The following EPHA6 variants were observed in gnomAD, a reference collection of about 807,000 sequenced individuals.
EPHA6 encodes the protein ephrin type-A receptor 6.
Under a neutral mutation model 112.0 loss-of-function variants are expected in EPHA6, and 50 were observed. That is an observed-to-expected ratio of 0.45 (90% CI 0.36 to 0.56). EPHA6 has a LOEUF of 0.56. Ranked by LOEUF, EPHA6 falls within the 20% of genes least tolerant of loss-of-function variation. The pLI is 0.00. For missense variants in EPHA6, 1,280 were observed against 1,417.4 expected, an observed-to-expected ratio of 0.90 and a Z score of 1.56; for synonymous variants, 529 against 490.7, an observed-to-expected ratio of 1.08 and a Z score of -1.03.
At position 97,490,216 on chromosome 3, in the gene EPHA6, G is replaced by C. The variant is rs181477309; in HGVS notation, c.2200+6157G>C. ...GGTTGCCAACAAAAATCTTAATGAA[G>C]TATGACAATATAAAATTAATTGCAT... On this transcript the variant is annotated intron_variant, in intron 10 of 17. Coordinates refer to ENST00000389672, the MANE Select transcript of EPHA6 (RefSeq NM_001080448.3). Among the ~76,000 whole-genome samples, 139 of 152,062 alleles carry C rather than the reference G, an allele frequency of 9.1e-4. No individual in the cohort carries two copies. The South Asian group carries it at 0.014, about 15-fold the overall frequency.
At position 97,736,107 on chromosome 3, in the gene EPHA6, G is replaced by T; in HGVS notation, c.3117G>T (p.Glu1039Asp). 1 of 1,611,032 alleles carries T rather than the reference G, an allele frequency of 6.2e-7. No homozygotes were observed. Among genetic ancestry groups the T allele is most frequent in the Non-Finnish European group, 8.5e-7 (1 of 1,178,218 alleles). The change falls in exon 16 of 18, where the codon GAG becomes GAT. Residue 1039 changes from glutamate (E) to aspartate (D), a missense_variant. Coordinates refer to ENST00000389672, the MANE Select transcript of EPHA6 (RefSeq NM_001080448.3). ...RNPSALHTLV[E>D]DILVMPESPG... ...CCAGTGCCCTTCACACCCTGGTGGA[G>T]GACATCCTTGTGTAAGAGGCATAAT...
intron 7 of EPHA6, among the ~76,000 whole-genome samples, chr3:97,470,131 A>C (rs58546203): frequency 0.19 from 28,719 of 151,594 alleles, 4,100 homozygotes; most frequent in African/African-American, 0.38. Context: ...TGAAAATGTG[A>C]AGATTAATTA....
At chr3:97,508,024 G>T (rs9834604) in intron 10 of EPHA6, among the ~76,000 whole-genome samples, 16,944 of 151,798 alleles carry the variant, frequency 0.11, 2,993 homozygotes, top group African/African-American at 0.37. Flanking sequence ...ATCATTTTTT[G>T]GGTGTGTCTA....
chr3:97,634,096 T>C (rs1349133334), intron 13 of EPHA6, among the ~76,000 whole-genome samples: 1 of 152,110 alleles, frequency 6.6e-6, no homozygotes, highest in Non-Finnish European at 1.5e-5. Flanking sequence ...TAGATAAGAA[T>C]ACAGGCTCTG....
intron 1 of EPHA6, among the ~76,000 whole-genome samples, chr3:96,859,218 A>C (rs936067974): frequency 6.6e-6 from 1 of 152,032 alleles, no homozygotes; most frequent in African/African-American, 2.4e-5. Context: ...TGCTGTCTTG[A>C]TTTGGCTGTA....
At chr3:96,841,163 A>G (rs149804794) in intron 1 of EPHA6, among the ~76,000 whole-genome samples, 1 of 152,210 alleles carries the variant, frequency 6.6e-6, no homozygotes, top group Non-Finnish European at 1.5e-5. Context: ...CTCGAGGTGA[A>G]GGCTGGTCAA....
chr3:97,462,697 T>C (rs1300290740), intron 7 of EPHA6, among the ~76,000 whole-genome samples: 1 of 152,166 alleles, frequency 6.6e-6, no homozygotes, highest in Admixed American at 6.6e-5. Flanking sequence ...TGAAGAAGGA[T>C]TTTACTTTTC....
chr3:97,646,421 A>C, intron 14 of EPHA6: 1 of 784,906 alleles, frequency 1.3e-6, no homozygotes, highest in Non-Finnish European at 1.8e-6. Flanking sequence ...TTACACCTAA[A>C]TATAAGTAGA....
chr3:97,288,897 A>C (rs1252820608), intron 5 of EPHA6, among the ~76,000 whole-genome samples: 1 of 133,290 alleles, frequency 7.5e-6, no homozygotes, highest in Non-Finnish European at 1.6e-5. Flanking sequence ...GTGTCTGTCC[A>C]TATCTTTTGC....
chr3:97,025,679 C>T (rs949843311), intron 3 of EPHA6, among the ~76,000 whole-genome samples: 14 of 152,280 alleles, frequency 9.2e-5, no homozygotes, highest in Middle Eastern at 6.8e-3. Context: ...ACCTCTGCCT[C>T]CTGGGTTCAA....
In EPHA6 at chr3:97,610,862, G is replaced by T. The variant is rs758818286; in HGVS notation, c.2574+8G>T. On this transcript the variant is annotated splice_region_variant and intron_variant, in intron 13 of 17. Coordinates refer to ENST00000389672, the MANE Select transcript of EPHA6 (RefSeq NM_001080448.3). ...CTAGACTCCTTTTTGCGGGTGAGGT[G>T]TTCTTTTCTGATGGCATTTAAATAA... is the stretch of plus-strand genomic sequence containing the variant. 16 of 1,601,372 alleles carry T rather than the reference G, an allele frequency of 1.0e-5. No homozygotes were observed. Among genetic ancestry groups the T allele is most frequent in the East Asian group, 2.2e-5 (1 of 44,726 alleles).
intron 5 of EPHA6, among the ~76,000 whole-genome samples, chr3:97,346,440 G>T (rs182059138): frequency 6.6e-6 from 1 of 152,232 alleles, no homozygotes; most frequent in East Asian, 1.9e-4. Flanking sequence ...CAAAGTAGAC[G>T]TTTATCCTTC....
At chr3:96,969,926 T>A (rs1303848566) in intron 2 of EPHA6, among the ~76,000 whole-genome samples, 3 of 152,064 alleles carry the variant, frequency 2.0e-5, no homozygotes, top group African/African-American at 4.8e-5. Context: ...CATGTCCAGT[T>A]TGAATATTCA....
chr3:97,014,855 A>G (rs2044211996), intron 3 of EPHA6, among the ~76,000 whole-genome samples: 1 of 152,174 alleles, frequency 6.6e-6, no homozygotes, highest in Non-Finnish European at 1.5e-5. Context: ...TCTGATGGCC[A>G]TGGAGTAGTG....
At chr3:96,884,170 T>A (rs902837853) in intron 2 of EPHA6, among the ~76,000 whole-genome samples, 2 of 152,178 alleles carry the variant, frequency 1.3e-5, no homozygotes, top group African/African-American at 4.8e-5. Flanking sequence ...CTAGATTTGT[T>A]CTTTTTGCTT....
At chr3:97,637,739 AT>A (rs2093960811) in intron 13 of EPHA6, 133 bp from the exon 14 acceptor site, 1 of 650,308 alleles carries the variant, frequency 1.5e-6, no homozygotes, top group Admixed American at 2.8e-5. Flanking sequence ...CCTTATGAAT[AT>A]AGTCAGTGAT....
intron 3 of EPHA6, among the ~76,000 whole-genome samples, chr3:97,211,807 G>A (rs557151350): frequency 2.6e-5 from 4 of 152,218 alleles, no homozygotes; most frequent in Admixed American, 6.5e-5. Flanking sequence ...ATGACAGAGC[G>A]AGTAAACTAA....
At chr3:96,870,130 A>G (rs2036552632) in intron 2 of EPHA6, among the ~76,000 whole-genome samples, 1 of 152,102 alleles carries the variant, frequency 6.6e-6, no homozygotes, top group Non-Finnish European at 1.5e-5. Flanking sequence ...TCTGTTACAC[A>G]TATCTATATC....
At chr3:97,412,400 C>A (rs1221506206) in intron 6 of EPHA6, among the ~76,000 whole-genome samples, 3 of 152,012 alleles carry the variant, frequency 2.0e-5, no homozygotes. Context: ...TTCCATATTC[C>A]TAGTCATACA....
Sources: gnomAD v4.1 joint callset for allele counts (sites outside exome capture counted in the v4.1 genomes callset) on GRCh38, gnomAD v4.1.1 for gene constraint, MANE v1.5 for transcripts, NCBI Gene and HGNC (gene_info 2026-07-23, HGNC 2026-07-21) for gene names.